The following GALNTL6 variants were observed in gnomAD, a reference collection of about 807,000 sequenced individuals.
The protein encoded by GALNTL6 is polypeptide N-acetylgalactosaminyltransferase like 6.
GALNTL6 carries 46 observed loss-of-function variants against 73.7 expected under a neutral mutation model. The ratio of observed to expected loss-of-function variants is 0.62; its 90% confidence interval spans 0.49 to 0.80. The LOEUF is 0.80. Among genes scored for constraint, GALNTL6 ranks in the 30% least tolerant of loss-of-function variants. GALNTL6 has a pLI of 0.00. For synonymous variants in GALNTL6, 259 were observed against 263.7 expected, an observed-to-expected ratio of 0.98 and a Z score of 0.17; for missense variants, 604 against 755.0, an observed-to-expected ratio of 0.80 and a Z score of 2.34.
At chr4:172,573,633 G>A (rs1736849850) in intron 5 of GALNTL6, among the ~76,000 whole-genome samples, 1 of 152,088 alleles carries the variant, frequency 6.6e-6, no homozygotes, top group African/African-American at 2.4e-5. Context: ...TTCTTCTCCA[G>A]GGTATTGGCC....
chr4:171,881,954 T>C (rs1185587960), intron 2 of GALNTL6, among the ~76,000 whole-genome samples: 1 of 152,248 alleles, frequency 6.6e-6, no homozygotes, highest in East Asian at 1.9e-4. Context: ...TAGTAATTGC[T>C]TTCTTTCTTT....
intron 10 of GALNTL6, among the ~76,000 whole-genome samples, chr4:172,967,232 T>G (rs1466402044): frequency 6.6e-6 from 1 of 152,248 alleles, no homozygotes; most frequent in African/African-American, 2.4e-5. Flanking sequence ...CTTAGACCTT[T>G]TCCTTTTTAT....
chr4:171,864,161 T>C (rs1578921583), intron 2 of GALNTL6, among the ~76,000 whole-genome samples: 1 of 152,224 alleles, frequency 6.6e-6, no homozygotes, highest in Non-Finnish European at 1.5e-5. Context: ...GTAAGTACTT[T>C]AACATTCTCA....
chr4:172,944,691 C>T (rs1454602353), intron 9 of GALNTL6, among the ~76,000 whole-genome samples: 2 of 152,162 alleles, frequency 1.3e-5, no homozygotes, highest in Non-Finnish European at 2.9e-5. Flanking sequence ...TAGCCCCAAA[C>T]TGGAAACAAC....
intron 3 of GALNTL6, among the ~76,000 whole-genome samples, chr4:172,240,434 T>C (rs1190015356): frequency 1.3e-5 from 2 of 152,040 alleles, no homozygotes; most frequent in Non-Finnish European, 2.9e-5. Flanking sequence ...GGTTTCACCA[T>C]GTTAGCCAGG....
intron 2 of GALNTL6, among the ~76,000 whole-genome samples, chr4:172,162,024 G>T (rs919493097): frequency 3.3e-5 from 5 of 152,022 alleles, no homozygotes; most frequent in African/African-American, 1.2e-4. Context: ...GGGCACTAGG[G>T]ATAAGAGCAT....
At chr4:172,909,685 TAA>T (rs1188261173) in intron 8 of GALNTL6, among the ~76,000 whole-genome samples, 4 of 152,138 alleles carry the variant, frequency 2.6e-5, no homozygotes, top group Non-Finnish European at 5.9e-5. Flanking sequence ...TCACTGTAGT[TAA>T]AAGTGGTACA....
At chr4:172,642,565 G>A (rs1740037988) in intron 5 of GALNTL6, among the ~76,000 whole-genome samples, 1 of 151,842 alleles carries the variant, frequency 6.6e-6, no homozygotes. Context: ...AGTTACCAGG[G>A]GTGGTGGGAG....
At chr4:172,113,072 G>GAAT (rs1732898343) in intron 2 of GALNTL6, among the ~76,000 whole-genome samples, 1 of 151,408 alleles carries the variant, frequency 6.6e-6, no homozygotes, top group Admixed American at 6.6e-5. Flanking sequence ...AGAATATATA[G>GAAT]GTAGGTAAAT....
chr4:172,334,309 G>C (rs1005826078), intron 4 of GALNTL6, among the ~76,000 whole-genome samples: 2 of 152,092 alleles, frequency 1.3e-5, no homozygotes, highest in East Asian at 3.9e-4. Context: ...ATTTTGATAG[G>C]GATTGTGTTG....
chr4:172,089,285 C>T (rs1210888339), intron 2 of GALNTL6, among the ~76,000 whole-genome samples: 1 of 152,090 alleles, frequency 6.6e-6, no homozygotes, highest in Admixed American at 6.6e-5. Flanking sequence ...TTTTTCAAGT[C>T]TGGAGGGCAG....
At chr4:172,839,632 G>A (rs1403172406) in intron 7 of GALNTL6, among the ~76,000 whole-genome samples, 1 of 152,138 alleles carries the variant, frequency 6.6e-6, no homozygotes, top group Non-Finnish European at 1.5e-5. Context: ...ATTAGTAAAG[G>A]TCTTTCTACA....
intron 3 of GALNTL6, among the ~76,000 whole-genome samples, chr4:172,272,558 G>A: frequency 6.6e-6 from 1 of 152,124 alleles, no homozygotes; most frequent in East Asian, 1.9e-4. Context: ...AGTAAAAGAC[G>A]ACACTATAAT....
intron 5 of GALNTL6, among the ~76,000 whole-genome samples, chr4:172,744,834 CGCGTGCGTGT>C (rs1266128927): frequency 2.4e-5 from 2 of 84,612 alleles, no homozygotes; most frequent in African/African-American, 9.0e-5. Context: ...TTTAAGAGTG[CGCGTGCGTGT>C]GTGTGTGTGT....
In GALNTL6 at chr4:172,303,006, T is replaced by G. The variant is rs137905123; in HGVS notation, c.248-8608T>G. On this transcript the variant is annotated intron_variant, in intron 3 of 12. Transcript: ENST00000506823. ...TACATTTAAATTTTTATTTATTTAT[T>G]TTTATTTTTTTGAAATGGAGTCTCA... 3.0e-3 allele frequency among the ~76,000 whole-genome samples: 450 copies of G among 152,236 alleles called. 4 individuals carry two copies. Among genetic ancestry groups the G allele is most frequent in the African/African-American group, 0.01 (427 of 41,548 alleles).
chr4:172,632,431 G>A (rs577448354), intron 5 of GALNTL6, among the ~76,000 whole-genome samples: 18 of 152,210 alleles, frequency 1.2e-4, no homozygotes, highest in African/African-American at 4.1e-4. Flanking sequence ...GAACTTGCTG[G>A]GTACTGGAGT....
intron 5 of GALNTL6, among the ~76,000 whole-genome samples, chr4:172,744,236 G>C (rs1370577): frequency 0.36 from 54,512 of 151,840 alleles, 10,834 homozygotes; most frequent in African/African-American, 0.52. Context: ...TGATTGATGG[G>C]TATAATGGCA....
At chr4:172,399,934 G>C (rs961272586) in intron 5 of GALNTL6, among the ~76,000 whole-genome samples, 1 of 152,036 alleles carries the variant, frequency 6.6e-6, no homozygotes, top group Admixed American at 6.6e-5. Context: ...TACTTAAAAA[G>C]TTTGCTTCTC....
chr4:171,945,747 C>A (rs1019560329), intron 2 of GALNTL6, among the ~76,000 whole-genome samples: 14 of 151,996 alleles, frequency 9.2e-5, no homozygotes, highest in African/African-American at 3.4e-4. Flanking sequence ...AGGTACACTG[C>A]AAGCAAAAAA....
Sources: allele counts gnomAD v4.1 joint callset (sites outside exome capture counted in the v4.1 genomes callset), GRCh38; gene constraint gnomAD v4.1.1; transcripts MANE v1.5; gene names NCBI Gene and HGNC (gene_info 2026-07-23, HGNC 2026-07-21).